PIERCE2: variants seen among roughly 807,000 people sequenced by gnomAD.
PIERCE2 encodes piercer of microtubule wall 2 protein.
chr15:55,411,163 A>G, the PIERCE2 span: 1 of 152,200 alleles, frequency 6.6e-6, no homozygotes, highest in Admixed American at 6.5e-5. Flanking sequence ...AACCTGCAAA[A>G]AAGAAAATAA....
chr15:55,415,244 G>T, the PIERCE2 span, among the ~76,000 whole-genome samples: 1 of 152,062 alleles, frequency 6.6e-6, no homozygotes, highest in African/African-American at 2.4e-5. Context: ...GAGGCAGGTG[G>T]ATCACCTAAG....
chr15:55,414,889 A>G, the PIERCE2 span, among the ~76,000 whole-genome samples: 11 of 152,070 alleles, frequency 7.2e-5, no homozygotes, highest in African/African-American at 2.4e-4. Flanking sequence ...AAAAAAAGAA[A>G]AACAAAACAT....
the PIERCE2 span, chr15:55,418,366 T>A: frequency 6.5e-7 from 1 of 1,538,000 alleles, no homozygotes; most frequent in Non-Finnish European, 8.7e-7. Context: ...TATCAAAACC[T>A]CAAATGATTA....
the PIERCE2 span, among the ~76,000 whole-genome samples, chr15:55,413,319 G>A: frequency 6.6e-6 from 1 of 151,618 alleles, no homozygotes; most frequent in South Asian, 2.1e-4. Context: ...TGTGCATGTA[G>A]TCCTAGCTAC....
chr15:55,416,268 A>T, the PIERCE2 span, among the ~76,000 whole-genome samples: 27,107 of 151,852 alleles, frequency 0.18, 4,199 homozygotes, highest in African/African-American at 0.42. Context: ...CAACCAGCTA[A>T]TTTTTGTATT....
the PIERCE2 span, among the ~76,000 whole-genome samples, chr15:55,415,670 A>T: frequency 6.6e-6 from 1 of 152,036 alleles, no homozygotes; most frequent in African/African-American, 2.4e-5. Context: ...ATTAGAATGG[A>T]ACCGAACAGG....
the PIERCE2 span, among the ~76,000 whole-genome samples, chr15:55,413,127 G>A: frequency 6.6e-6 from 1 of 152,250 alleles, no homozygotes; most frequent in Admixed American, 6.5e-5. Context: ...AATTAGCCGG[G>A]CACGGTGGCT....
At chr15:55,409,056 G>C in the PIERCE2 span, among the ~76,000 whole-genome samples, 6 of 152,132 alleles carry the variant, frequency 3.9e-5, no homozygotes, top group African/African-American at 1.4e-4. Context: ...AACGTACTTT[G>C]TTAATTGTAT....
At chr15:55,408,620 A>G in the PIERCE2 span, 59 of 587,648 alleles carry the variant, frequency 1.0e-4, 1 homozygote, top group South Asian at 1.3e-3. Flanking sequence ...ATAGGTTTAC[A>G]CATACTGATC....
chr15:55,413,903 CTTT>C, the PIERCE2 span, among the ~76,000 whole-genome samples: 14 of 145,226 alleles, frequency 9.6e-5, no homozygotes, highest in East Asian at 2.2e-3. Context: ...TAGAGAAATG[CTTT>C]TTTTTTTTTG....
At chr15:55,415,349 G>A in the PIERCE2 span, among the ~76,000 whole-genome samples, 3 of 151,800 alleles carry the variant, frequency 2.0e-5, no homozygotes, top group African/African-American at 7.3e-5. Flanking sequence ...CCATCTACTC[G>A]GGAGGCTGAG....
chr15:55,412,997 G>A, the PIERCE2 span, among the ~76,000 whole-genome samples: 3 of 152,118 alleles, frequency 2.0e-5, no homozygotes, highest in African/African-American at 4.8e-5. Flanking sequence ...GGCTGGGCGC[G>A]GTGGTGCGCA....
chr15:55,408,646 C>T, the PIERCE2 span: 2 of 637,598 alleles, frequency 3.1e-6, no homozygotes, highest in Middle Eastern at 2.5e-4. Flanking sequence ...AGCTATTCAT[C>T]TTCTGTTTGC....
At chr15:55,412,199 G>A in the PIERCE2 span, among the ~76,000 whole-genome samples, 1 of 151,468 alleles carries the variant, frequency 6.6e-6, no homozygotes, top group South Asian at 2.1e-4. Context: ...AACTATGGCA[G>A]ATTTTTATTT....
chr15:55,414,457 G>A, the PIERCE2 span, among the ~76,000 whole-genome samples: 1 of 151,026 alleles, frequency 6.6e-6, no homozygotes, highest in African/African-American at 2.4e-5. Flanking sequence ...GTGATCCACC[G>A]CACTCGGCCT....
At chr15:55,414,242 TG>T in the PIERCE2 span, among the ~76,000 whole-genome samples, 1 of 149,964 alleles carries the variant, frequency 6.7e-6, no homozygotes, top group African/African-American at 2.4e-5. Flanking sequence ...GTTTCACTCT[TG>T]TTGCCCCGGC....
the PIERCE2 span, among the ~76,000 whole-genome samples, chr15:55,417,493 G>A: frequency 6.6e-6 from 1 of 151,800 alleles, no homozygotes; most frequent in African/African-American, 2.4e-5. Context: ...GTTATTTAAT[G>A]GCTGCCCACA....
chr15:55,418,361 A>C, the PIERCE2 span: 7 of 1,538,836 alleles, frequency 4.5e-6, no homozygotes, highest in African/African-American at 9.6e-5. Flanking sequence ...CTCACTATCA[A>C]AACCTCAAAT....
At chr15:55,416,335 C>T in the PIERCE2 span, among the ~76,000 whole-genome samples, 1 of 152,006 alleles carries the variant, frequency 6.6e-6, no homozygotes, top group Non-Finnish European at 1.5e-5. Context: ...CTCTTGACCT[C>T]GTGATCCGCC....
Sources: allele counts gnomAD v4.1 joint callset (sites outside exome capture counted in the v4.1 genomes callset), GRCh38; gene constraint gnomAD v4.1.1; transcripts MANE v1.5; gene names NCBI Gene and HGNC (gene_info 2026-07-23, HGNC 2026-07-21).